Variants in ZNF679 observed in about 807,000 individuals in gnomAD.
The protein encoded by ZNF679 is zinc finger protein 679, also known as hypothetical protein MGC42415.
Under a neutral mutation model 13.4 loss-of-function variants are expected in ZNF679, and 10 were observed. The ratio of observed to expected loss-of-function variants is 0.75; its 90% CI spans 0.46 to 1.27. The LOEUF is 1.27. Among genes scored for constraint, ZNF679 ranks in the 50% most tolerant of loss-of-function variants. The pLI is 0.00. For synonymous variants in ZNF679, 179 were observed against 162.5 expected (o/e 1.10, Z -0.77); for missense variants, 525 against 477.8 (o/e 1.10, Z -0.92).
intron 2 of ZNF679, among the ~76,000 whole-genome samples, chr7:64,258,192 A>G (rs559199771): frequency 6.6e-6 from 1 of 152,146 alleles, no homozygotes; most frequent in Admixed American, 6.5e-5. Flanking sequence ...AATCTTTTCA[A>G]TTATACACAA....
intron 1 of ZNF679, among the ~76,000 whole-genome samples, chr7:64,236,949 GAAAGA>G (rs1562840286): frequency 3.1e-3 from 272 of 88,856 alleles, no homozygotes; most frequent in Non-Finnish European, 4.0e-3. Flanking sequence ...AAGAAAGAAA[GAAAGA>G]AAGAAAGAAA....
At chr7:64,228,909 C>T (rs144777403) in intron 1 of ZNF679, among the ~76,000 whole-genome samples, 5,439 of 152,178 alleles carry the variant, frequency 0.036, 170 homozygotes, top group East Asian at 0.16. Context: ...GGAGAGTGAC[C>T]ATCCTTATTG....
At chr7:64,240,065 C>A (rs991273442) in intron 1 of ZNF679, among the ~76,000 whole-genome samples, 1 of 152,126 alleles carries the variant, frequency 6.6e-6, no homozygotes, top group African/African-American at 2.4e-5. Context: ...GCTCCCTGGT[C>A]ATGGAACTGT....
intron 2 of ZNF679, among the ~76,000 whole-genome samples, chr7:64,252,607 A>G (rs983390966): frequency 2.0e-5 from 3 of 152,248 alleles, no homozygotes; most frequent in Non-Finnish European, 2.9e-5. Context: ...CATTTGCACA[A>G]GAAAATGTGG....
chr7:64,229,340 C>T (rs555089125), intron 1 of ZNF679, among the ~76,000 whole-genome samples: 107 of 152,248 alleles, frequency 7.0e-4, no homozygotes, highest in African/African-American at 2.4e-3. Flanking sequence ...TTTTCCCAAG[C>T]GTAACAGTGA....
intron 2 of ZNF679, among the ~76,000 whole-genome samples, chr7:64,253,600 A>T (rs1233999817): frequency 6.6e-6 from 1 of 152,234 alleles, no homozygotes; most frequent in Non-Finnish European, 1.5e-5. Context: ...ACAAAATCAG[A>T]TTTAGGTAAT....
intron 1 of ZNF679, among the ~76,000 whole-genome samples, chr7:64,231,572 A>G (rs1469853896): frequency 6.6e-6 from 1 of 152,202 alleles, no homozygotes; most frequent in African/African-American, 2.4e-5. Context: ...TTAATATGTC[A>G]CAATCTTCAG....
At chr7:64,258,387 T>A (rs1255894519) in intron 2 of ZNF679, among the ~76,000 whole-genome samples, 1 of 152,050 alleles carries the variant, frequency 6.6e-6, no homozygotes, top group Non-Finnish European at 1.5e-5. Context: ...CACTTTTTCT[T>A]GGTGAGCATG....
intron 1 of ZNF679, among the ~76,000 whole-genome samples, chr7:64,235,038 A>G (rs62461226): frequency 0.3 from 45,104 of 151,984 alleles, 6,834 homozygotes; most frequent in Middle Eastern, 0.32. Flanking sequence ...GGGTTTCGCC[A>G]TGTTGGCCAG....
chr7:64,263,814 A>C (rs1348911765), intron 4 of ZNF679, among the ~76,000 whole-genome samples: 1 of 152,196 alleles, frequency 6.6e-6, no homozygotes, highest in South Asian at 2.1e-4. Context: ...CTGTGAACCA[A>C]AGAAGTCTTT....
intron 1 of ZNF679, among the ~76,000 whole-genome samples, chr7:64,235,432 A>G (rs1305928765): frequency 2.6e-5 from 4 of 152,130 alleles, no homozygotes; most frequent in South Asian, 4.1e-4. Flanking sequence ...CAAATAAAAA[A>G]CATAACTTTA....
intron 4 of ZNF679, among the ~76,000 whole-genome samples, 186 bp from the exon 5 acceptor site, chr7:64,265,710 T>G (rs1788134586): frequency 6.6e-6 from 1 of 152,220 alleles, no homozygotes; most frequent in Non-Finnish European, 1.5e-5. Flanking sequence ...TTTATAAATT[T>G]CCAGCAAAGG....
At chr7:64,233,851 C>T (rs1525168) in intron 1 of ZNF679, among the ~76,000 whole-genome samples, 140,810 of 152,186 alleles carry the variant, frequency 0.93, 65,317 homozygotes, top group Non-Finnish European at 0.96. Context: ...AAATGGAATC[C>T]GTGTACATAA....
At chr7:64,248,997 T>C in intron 1 of ZNF679, 31 bp from the exon 2 acceptor site, 1 of 1,447,924 alleles carries the variant, frequency 6.9e-7, no homozygotes, top group Non-Finnish European at 9.5e-7. Flanking sequence ...CTCCGTAATT[T>C]TCCGGGTCCT....
intron 2 of ZNF679, among the ~76,000 whole-genome samples, chr7:64,257,842 G>A (rs962487317): frequency 6.6e-6 from 1 of 152,198 alleles, no homozygotes; most frequent in African/African-American, 2.4e-5. Flanking sequence ...CTAATAATGT[G>A]TCTGGGAAAG....
At chr7:64,250,884 G>C (rs958044496) in intron 2 of ZNF679, among the ~76,000 whole-genome samples, 2 of 152,148 alleles carry the variant, frequency 1.3e-5, no homozygotes, top group African/African-American at 2.4e-5. Flanking sequence ...ACCACGCCAG[G>C]CCTCAACCGT....
Position 64,266,069 on chromosome 7 carries a change from C to A in ZNF679, c.436C>A (p.Gln146Lys), listed in dbSNP as rs1400092756. Residue 146 changes from glutamine (Q) to lysine (K), a missense_variant, in exon 5 of 5, where the codon CAA (glutamine) becomes AAA (lysine). Transcript: ENST00000421025. ...VQKGGCNEVN[Q>K]CLSTTQNKIF... The stretch of plus-strand genomic sequence containing the variant: ...AAAAGGAGGTTGTAATGAAGTTAAC[C>A]AATGTTTGTCAACTACCCAAAACAA... 1 of 1,613,010 alleles carries A rather than the reference C, an allele frequency of 6.2e-7. No individual in the cohort carries two copies. Among genetic ancestry groups the A allele is most frequent in the African/African-American group, 1.3e-5 (1 of 74,862 alleles).
At chr7:64,245,331 C>CA (rs916857465) in intron 1 of ZNF679, among the ~76,000 whole-genome samples, 1 of 151,518 alleles carries the variant, frequency 6.6e-6, no homozygotes, top group African/African-American at 2.4e-5. Context: ...CGGCCTGTTT[C>CA]AGGGACTTCT....
intron 4 of ZNF679, among the ~76,000 whole-genome samples, chr7:64,261,591 A>G (rs1788077799): frequency 6.6e-6 from 1 of 152,098 alleles, no homozygotes; most frequent in East Asian, 1.9e-4. Context: ...TTATTCAAAG[A>G]ACATTCATAT....
Sources: gnomAD v4.1 joint callset for allele counts (sites outside exome capture counted in the v4.1 genomes callset) on GRCh38, gnomAD v4.1.1 for gene constraint, MANE v1.5 for transcripts, NCBI Gene and HGNC (gene_info 2026-07-23, HGNC 2026-07-21) for gene names.